The following MTR variants were observed in gnomAD, a reference collection of about 807,000 sequenced individuals.
MTR encodes 5-methyltetrahydrofolate-homocysteine methyltransferase.
MTR carries 84 observed loss-of-function variants against 154.8 expected under a neutral mutation model. That is an observed-to-expected ratio of 0.54 (90% confidence interval 0.45 to 0.65). The LOEUF (loss-of-function observed/expected upper bound fraction) is 0.65, where lower values mean the gene tolerates loss of function less well. Ranked by LOEUF, MTR falls within the 30% of genes least tolerant of loss-of-function variation. MTR has a pLI of 0.00. For missense variants in MTR, 1,275 were observed against 1,570.2 expected, an observed-to-expected ratio of 0.81 and a Z score of 3.18; for synonymous variants, 554 against 553.9, an observed-to-expected ratio of 1.00 and a Z score of 0.00.
At chr1:236,839,635 TA>T (rs1348888452) in intron 15 of MTR, among the ~76,000 whole-genome samples, 1 of 152,214 alleles carries the variant, frequency 6.6e-6, no homozygotes, top group Non-Finnish European at 1.5e-5. Flanking sequence ...ATACTTCACA[TA>T]ACTTTGTATG....
intron 7 of MTR, 56 bp from the exon 8 acceptor site, chr1:236,816,393 A>T: frequency 1.4e-6 from 2 of 1,390,794 alleles, no homozygotes; most frequent in Non-Finnish European, 2.0e-6. Flanking sequence ...TTGCCTTTAT[A>T]TCTATATTCT....
intron 15 of MTR, among the ~76,000 whole-genome samples, chr1:236,845,725 T>G (rs1306763575): frequency 6.6e-6 from 1 of 152,216 alleles, no homozygotes; most frequent in African/African-American, 2.4e-5. Flanking sequence ...TGGAGCAGCA[T>G]GTATGCTCAC....
At chr1:236,847,245 T>A (rs1017835179) in intron 15 of MTR, among the ~76,000 whole-genome samples, 1 of 152,190 alleles carries the variant, frequency 6.6e-6, no homozygotes, top group Admixed American at 6.5e-5. Flanking sequence ...TCCAGGGTTC[T>A]CTCGCCCATC....
chr1:236,810,466 A>G (rs372236456), intron 4 of MTR, 37 bp from the exon 5 acceptor site: 25 of 1,538,296 alleles, frequency 1.6e-5, no homozygotes, highest in Non-Finnish European at 2.2e-5. Flanking sequence ...ATGTTCAGCC[A>G]CTTAGAGATC....
chr1:236,815,496 T>C (rs1661535358), intron 6 of MTR, 108 bp from the exon 7 acceptor site: 22 of 1,060,320 alleles, frequency 2.1e-5, no homozygotes, highest in Non-Finnish European at 2.8e-5. Flanking sequence ...GCTTGATGTA[T>C]ATCTTATCTG....
At chr1:236,868,505 A>G (rs1182935917) in intron 22 of MTR, among the ~76,000 whole-genome samples, 1 of 152,130 alleles carries the variant, frequency 6.6e-6, no homozygotes. Flanking sequence ...AATTCCCCTC[A>G]AGAAATAATG....
rs569931134 is a variant in MTR, at chr1:236,847,045, A to G, written c.1516-3299A>G. The stretch of plus-strand genomic sequence containing the variant: ...GGGACTACAGGCCTTTGCCACCACA[A>G]CTGGCTAATTTTTGTATTTTTAGTA... On this transcript the variant is annotated intron_variant, in intron 15 of 32. Coordinates refer to ENST00000366577, the MANE Select transcript of MTR (RefSeq NM_000254.3). Among the ~76,000 whole-genome samples the G allele has an allele frequency of 4.2e-3, 637 of 151,862 alleles. 9 individuals carry two copies. Among genetic ancestry groups the G allele is most frequent in the African/African-American group, 0.015 (616 of 41,434 alleles).
At chr1:236,864,641 AT>A (rs1271590038) in intron 22 of MTR, among the ~76,000 whole-genome samples, 1 of 152,238 alleles carries the variant, frequency 6.6e-6, no homozygotes, top group Non-Finnish European at 1.5e-5. Context: ...GATAGTTGTA[AT>A]GAAATTTTAC....
At chr1:236,874,574 A>G (rs1665323703) in intron 23 of MTR, 152 bp from the exon 24 acceptor site, 1 of 624,390 alleles carries the variant, frequency 1.6e-6, no homozygotes, top group East Asian at 3.4e-5. Flanking sequence ...CCATCTCAAA[A>G]AAAAAAAAAA....
chr1:236,832,949 C>A (rs1351531015), intron 13 of MTR, among the ~76,000 whole-genome samples: 6 of 152,244 alleles, frequency 3.9e-5, no homozygotes, highest in Non-Finnish European at 7.3e-5. Flanking sequence ...GTCCTCTTCC[C>A]CTCATTCTTG....
chr1:236,874,148 G>A (rs112539396), intron 23 of MTR, among the ~76,000 whole-genome samples: 30 of 152,260 alleles, frequency 2.0e-4, no homozygotes, highest in African/African-American at 3.6e-4. Flanking sequence ...GAAATCATGA[G>A]CTAAATATAC....
intron 22 of MTR, among the ~76,000 whole-genome samples, chr1:236,869,590 C>G (rs947144111): frequency 1.3e-5 from 2 of 152,152 alleles, no homozygotes; most frequent in Admixed American, 6.5e-5. Flanking sequence ...TGGCGAAATA[C>G]AGGAATGTGT....
intron 24 of MTR, among the ~76,000 whole-genome samples, chr1:236,876,448 G>A (rs1400570851): frequency 6.6e-6 from 1 of 152,162 alleles, no homozygotes; most frequent in Non-Finnish European, 1.5e-5. Context: ...ATTGATGACA[G>A]GCTTAGTGAA....
intron 22 of MTR, among the ~76,000 whole-genome samples, chr1:236,866,291 G>A (rs1356871719): frequency 6.6e-6 from 1 of 152,030 alleles, no homozygotes; most frequent in Admixed American, 6.6e-5. Context: ...TATCTGTTAT[G>A]ATGATCTGTG....
At chr1:236,897,502 T>G in intron 32 of MTR, 56 bp from the exon 33 acceptor site, 1 of 1,513,928 alleles carries the variant, frequency 6.6e-7, no homozygotes. Context: ...TGTGGAAACT[T>G]CTATTCCAAA....
At chr1:236,876,081 G>T (rs560866631) in intron 24 of MTR, among the ~76,000 whole-genome samples, 3 of 152,168 alleles carry the variant, frequency 2.0e-5, no homozygotes, top group Non-Finnish European at 4.4e-5. Context: ...GCTTTACTTA[G>T]GTCTACTGAT....
intron 22 of MTR, among the ~76,000 whole-genome samples, chr1:236,872,313 C>T (rs1325616222): frequency 1.3e-5 from 2 of 152,126 alleles, no homozygotes; most frequent in East Asian, 3.9e-4. Context: ...CTCCTGTGTG[C>T]CCATCTAGAG....
Position 236,825,409 on chromosome 1 carries a change from C to T in MTR, c.927+10C>T, listed in dbSNP as rs754817994. On this transcript the variant is annotated intron_variant, in intron 10 of 32. Transcript: ENST00000366577. ...GGCCAAGCACCTAAAGGTCAGGGGTCCCCCTTTCACTGGCTTTTTAAGAGA... is the reference window on the plus strand; with the variant it reads ...GGCCAAGCACCTAAAGGTCAGGGGTTCCCCTTTCACTGGCTTTTTAAGAGA... 1 of 1,606,400 alleles carries T rather than the reference C, an allele frequency of 6.2e-7. No homozygotes were observed. Among genetic ancestry groups the T allele is most frequent in the Admixed American group, 1.7e-5 (1 of 60,002 alleles).
intron 26 of MTR, among the ~76,000 whole-genome samples, chr1:236,886,016 G>C (rs1665990076): frequency 6.6e-6 from 1 of 152,158 alleles, no homozygotes; most frequent in Non-Finnish European, 1.5e-5. Context: ...GTACAGGTCA[G>C]ACACCCCTAG....
Sources: gnomAD v4.1 joint callset for allele counts (sites outside exome capture counted in the v4.1 genomes callset) on GRCh38, gnomAD v4.1.1 for gene constraint, MANE v1.5 for transcripts, NCBI Gene and HGNC (gene_info 2026-07-23, HGNC 2026-07-21) for gene names.